The following CELSR3 variants were observed in gnomAD, a reference collection of about 807,000 sequenced individuals.
CELSR3 encodes the protein EGF-like protein 1.
In CELSR3, 73 loss-of-function variants were observed where a neutral mutation model predicts 270.0. The observed-to-expected ratio is 0.27, with a 90% CI of 0.22 to 0.33. The LOEUF (loss-of-function observed/expected upper bound fraction) is 0.33, where lower values mean the gene tolerates loss of function less well. CELSR3 is among the 10% of genes least tolerant of loss of function. The pLI is 1.00. For missense variants in CELSR3, 3,614 were observed against 4,533.8 expected, an observed-to-expected ratio of 0.80 and a Z score of 5.83; for synonymous variants, 1,780 against 1,905.4, an observed-to-expected ratio of 0.93 and a Z score of 1.71.
chr3:48,644,968 C>T lies in CELSR3; in HGVS notation c.7972+67G>A. On this transcript the variant is annotated intron_variant, in intron 25 of 34. Transcript: ENST00000164024. This position sits in a 1 kb window ranked among gnomAD's most constrained non-coding sequence, Gnocchi z 4.8. The stretch of plus-strand genomic sequence containing the variant: ...GGGGTTTGAGGTTGGGGGTCATGAG[C>T]AGGAGTGGGGACAGGGTCAGGGGTC... 1.3e-6 allele frequency: 2 copies of T among 1,546,152 alleles called. No homozygotes were observed. The highest frequency in any genetic ancestry group is 3.5e-5 in the Admixed American group (2 of 56,504).
rs1213727410 is a variant in CELSR3, at chr3:48,650,469, C to A, written c.6472+11G>T. On this transcript the variant is annotated intron_variant, in intron 16 of 34. Transcript: ENST00000164024. This position sits in a 1 kb window ranked among gnomAD's most constrained non-coding sequence, Gnocchi z 5.1. ...CACCCTCAGTGATGTCCTTTCCCCC[C>A]ACATACTCACCCAGGGCCCCCCGGG... 1.9e-6 allele frequency: 3 copies of A among 1,556,732 alleles called. No individual in the cohort carries two copies. Among genetic ancestry groups the A allele is most frequent in the South Asian group, 1.1e-5 (1 of 88,614 alleles).
chr3:48,642,579 G>A lies in CELSR3; in HGVS notation c.8556-112C>T, dbSNP rs2047037880. Reference sequence around the variant, plus strand: ...TGCGGGTGGAATGGCATCCCTGGGTGTGTGTGGTGGGAAGCATTTAGGGCA... The same window carrying A: ...TGCGGGTGGAATGGCATCCCTGGGTATGTGTGGTGGGAAGCATTTAGGGCA... On this transcript the variant is annotated intron_variant, in intron 30 of 34. Transcript: ENST00000164024. This position sits in a 1 kb window ranked among gnomAD's most constrained non-coding sequence, Gnocchi z 6.1. The A allele has an allele frequency of 7.0e-7, 1 of 1,423,500 alleles. No homozygotes were observed. Among genetic ancestry groups the A allele is most frequent in the Non-Finnish European group, 9.5e-7 (1 of 1,049,794 alleles). The allele number at this position is 1,423,500 out of a possible 1,614,324, so 88.2% of individuals were successfully genotyped here.
In CELSR3 at chr3:48,651,888, G is replaced by C; in HGVS notation, c.5912C>G (p.Thr1971Ser). Residue 1971 changes from threonine (T) to serine (S), a missense_variant, in exon 12 of 35, where the codon ACC becomes AGC. Physicochemically the swap from Thr to Ser is moderately conservative, Grantham distance 58 (BLOSUM62 1). Around this residue, in one of 7 missense-constraint regions of CELSR3, gnomAD observed 1,331 missense variants for 1,933.7 expected, o/e 0.69. Coordinates refer to ENST00000164024, the MANE Select transcript of CELSR3 (RefSeq NM_001407.3). The surrounding 1 kb of genome is among the most constrained non-coding windows in gnomAD (Gnocchi z 7.4). ...CRDLWQTFSC[T>S]CQPGYYGPGC... ...CTCTCAAGGCTCACCTGGCTGGCAGGTGCAAGAAAAGGTCTGCCAGAGGTC... is the reference window on the plus strand; with the variant it reads ...CTCTCAAGGCTCACCTGGCTGGCAGCTGCAAGAAAAGGTCTGCCAGAGGTC... 1 of 1,611,596 alleles carries C rather than the reference G, an allele frequency of 6.2e-7. No individual in the cohort carries two copies. The highest frequency in any genetic ancestry group is 8.5e-7 in the Non-Finnish European group (1 of 1,179,078).
Position 48,637,948 on chromosome 3 carries a change from AATAAC to A in CELSR3, c.*252_*256del. 2.2e-6 allele frequency: 1 copy of A among 457,006 alleles called. No homozygotes were observed. Among genetic ancestry groups the A allele is most frequent in the Non-Finnish European group, 4.0e-6 (1 of 252,150 alleles). The allele number at this position is 457,006 out of a possible 1,614,324, so 28.3% of individuals were successfully genotyped here. ...CCCCCAGGAGACAGAAAAGCTGAAAAATAACATAAGCATCTCTCTGGTTACAAAGG... is the reference window on the plus strand; with the variant it reads ...CCCCCAGGAGACAGAAAAGCTGAAAAATAAGCATCTCTCTGGTTACAAAGG... On this transcript the variant is annotated 3_prime_UTR_variant, in exon 35 of 35. Transcript: ENST00000164024.
rs1030929230 is a variant in CELSR3 at position 48,641,773 on chromosome 3, G to A, written c.8824+78C>T. ...AGAAAGACCAGGATGAACCCCAACC[G>A]CAGGAAAGATGGGGAGCTGGAGGGA... On this transcript the variant is annotated intron_variant, in intron 32 of 34. Transcript: ENST00000164024. The surrounding 1 kb of genome is among the most constrained non-coding windows in gnomAD (Gnocchi z 4.8). 16 of 1,346,002 alleles carry A rather than the reference G, an allele frequency of 1.2e-5. No individual in the cohort carries two copies. Among genetic ancestry groups the A allele is most frequent in the Admixed American group, 3.1e-5 (1 of 32,636 alleles). 83.4% of individuals were successfully genotyped at this position (1,346,002 alleles called of 1,614,324 possible).
Position 48,643,626 on chromosome 3 carries a change from G to C in CELSR3, c.8217C>G (p.Leu2739=). ...LLLLLVSASW[L]FGLLAVNHSI... is the part of the protein sequence containing the mutation. ...TGTGGTTGACTGCCAGGAGCCCAAA[G>C]AGCCAGGAGGCACTGACCAGCAGAA... Residue 2739 remains leucine (L), a synonymous_variant, in exon 28 of 35, where the codon CTC becomes CTG. Transcript: ENST00000164024. 6.4e-7 allele frequency: 1 copy of C among 1,551,554 alleles called. No individual in the cohort carries two copies. Among genetic ancestry groups the C allele is most frequent in the Non-Finnish European group, 8.7e-7 (1 of 1,147,152 alleles).
rs2077033094 is a variant in CELSR3, at chr3:48,657,487, G to C, written c.3749-139C>G. 2.2e-6 allele frequency: 2 copies of C among 889,850 alleles called. No homozygotes were observed. The highest frequency in any genetic ancestry group is 3.3e-6 in the Non-Finnish European group (2 of 602,944). 55.1% of individuals were successfully genotyped at this position (889,850 alleles called of 1,614,324 possible). A position where few individuals can be genotyped will look rare whatever the true frequency, so the allele number is the denominator to read the frequency against. On this transcript the variant is annotated intron_variant, in intron 1 of 34. Transcript: ENST00000164024. The surrounding 1 kb of genome is among the most constrained non-coding windows in gnomAD (Gnocchi z 5.4). The stretch of plus-strand genomic sequence containing the variant: ...AGGCTGACCCCACCAGGACACAAGG[G>C]AGTCTGGGGCTAGTGACCACCAGCT...
Position 48,651,757 on chromosome 3 carries a change from G to A in CELSR3, c.5924-39C>T. On this transcript the variant is annotated intron_variant, in intron 12 of 34. Coordinates refer to ENST00000164024, the MANE Select transcript of CELSR3 (RefSeq NM_001407.3). The surrounding 1 kb of genome is among the most constrained non-coding windows in gnomAD (Gnocchi z 7.4). ...CAGAAAGCTCAGGATCCTGGTCGCA[G>A]AGCATGGAAGGAAGCAGGCACCCGT... 1 of 1,533,218 alleles carries A rather than the reference G, an allele frequency of 6.5e-7. No individual in the cohort carries two copies. The highest frequency in any genetic ancestry group is 1.4e-5 in the African/African-American group (1 of 72,194). 95.0% of individuals were successfully genotyped at this position (1,533,218 alleles called of 1,614,324 possible). A position where few individuals can be genotyped will look rare whatever the true frequency, so the allele number is the denominator to read the frequency against.
At position 48,655,539 on chromosome 3, in the gene CELSR3, C is replaced by A. The variant is rs559749086; in HGVS notation, c.4742-145G>T. 5.3e-6 allele frequency: 5 copies of A among 936,736 alleles called. No homozygotes were observed. In the Admixed American group the frequency reaches 6.0e-5, roughly 11 times the overall value. The allele number at this position is 936,736 out of a possible 1,614,324, so 58.0% of individuals were successfully genotyped here. On this transcript the variant is annotated intron_variant, in intron 4 of 34. Transcript: ENST00000164024. This position sits in a 1 kb window ranked among gnomAD's most constrained non-coding sequence, Gnocchi z 5.8. ...TGACCACAATGGCTGGCTCAGAGTGCCTTTGAACAGACAGGAGAAACAGAC... is the reference window on the plus strand; with the variant it reads ...TGACCACAATGGCTGGCTCAGAGTGACTTTGAACAGACAGGAGAAACAGAC...
rs748431123 is a variant in CELSR3 at position 48,654,449 on chromosome 3, G to C, written c.4992C>G (p.Ser1664=). 2 of 1,582,578 alleles carry C rather than the reference G, an allele frequency of 1.3e-6. No individual in the cohort carries two copies. Among genetic ancestry groups the C allele is most frequent in the Non-Finnish European group, 8.6e-7 (1 of 1,161,254 alleles). The change falls in exon 7 of 35, where the codon TCC becomes TCG. Residue 1664 remains serine (S), a synonymous_variant. Transcript: ENST00000164024. The surrounding 1 kb of genome is among the most constrained non-coding windows in gnomAD (Gnocchi z 5.4). ...GAAGAAGAGGGCCCGTCAGGTCCAGGGACCTGGGGATCAGGGGTCTGGGTC... is the reference window on the plus strand; with the variant it reads ...GAAGAAGAGGGCCCGTCAGGTCCAGCGACCTGGGGATCAGGGGTCTGGGTC... ...AAGVQTSSKK[S]LDLTGPLLLG...
rs1223773354 is a variant in CELSR3, at chr3:48,640,893, C to A, written c.9026-334G>T. On this transcript the variant is annotated intron_variant, in intron 33 of 34. Coordinates refer to ENST00000164024, the MANE Select transcript of CELSR3 (RefSeq NM_001407.3). The surrounding 1 kb of genome is among the most constrained non-coding windows in gnomAD (Gnocchi z 7.5). Reference sequence around the variant, plus strand: ...TGCAGGCCTGGCTGAAATGCAGGAACCCCCCGGGTTGGACAGGAGCAGTCC... The same window carrying A: ...TGCAGGCCTGGCTGAAATGCAGGAAACCCCCGGGTTGGACAGGAGCAGTCC... The A allele has an allele frequency of 9.3e-6, 4 of 431,626 alleles. No homozygotes were observed. Among genetic ancestry groups the A allele is most frequent in the Non-Finnish European group, 1.2e-5 (3 of 241,806 alleles). 26.7% of individuals were successfully genotyped at this position (431,626 alleles called of 1,614,324 possible).
At chr3:48,647,789 T>C (rs2047099864) in intron 20 of CELSR3, 52 bp downstream of exon 20, 1 of 1,575,070 alleles carries the variant, frequency 6.3e-7, no homozygotes, top group Middle Eastern at 1.9e-4. Flanking sequence ...AGTATCTGGT[T>C]GGGGGGACAG....
chr3:48,648,238 G>GGCCCCCCCCCCC, intron 19 of CELSR3, 28 bp downstream of exon 19: 16 of 1,342,588 alleles, frequency 1.2e-5, no homozygotes, highest in Non-Finnish European at 1.6e-5. Flanking sequence ...CCCCTGCTGT[G>GGCCCCCCCCCCC]CCCCGCCCTA....
chr3:48,642,654 C>T lies in CELSR3; in HGVS notation c.8555+82G>A. ...GCCAAGATGGGTGGAGCCACCCGCC[C>T]TAGGACCTGGTCAGCCAAGCCCTGG... is the stretch of plus-strand genomic sequence containing the variant. On this transcript the variant is annotated intron_variant, in intron 30 of 34. Coordinates refer to ENST00000164024, the MANE Select transcript of CELSR3 (RefSeq NM_001407.3). The surrounding 1 kb of genome is among the most constrained non-coding windows in gnomAD (Gnocchi z 6.1). 2 of 1,543,656 alleles carry T rather than the reference C, an allele frequency of 1.3e-6. No homozygotes were observed. The highest frequency in any genetic ancestry group is 2.5e-5 in the South Asian group (2 of 81,440).
rs748978078 is a variant in CELSR3, at chr3:48,640,152, C to T, written c.9433G>A (p.Asp3145Asn). The T allele has an allele frequency of 6.8e-6, 11 of 1,612,442 alleles. No individual in the cohort carries two copies. Among genetic ancestry groups the T allele is most frequent in the East Asian group, 2.2e-5 (1 of 44,878 alleles). The part of the protein sequence containing the change: ...AGRFGSRDAL[D>N]LGAPREWLST... ...AACCACTCTCGAGGTGCCCCTAAGT[C>T]GAGCGCATCCCGTGACCCGAAGCGG... Residue 3145 changes from aspartate to asparagine, a missense_variant, in exon 34 of 35, where the codon GAC becomes AAC. By Grantham distance (23) the Asp-to-Asn change is conservative (BLOSUM62 1). Transcript: ENST00000164024. The surrounding 1 kb of genome is among the most constrained non-coding windows in gnomAD (Gnocchi z 7.5).
At position 48,639,560 on chromosome 3, in the gene CELSR3, G is replaced by A; in HGVS notation, c.9911+114C>T. On this transcript the variant is annotated intron_variant, in intron 34 of 34. Coordinates refer to ENST00000164024, the MANE Select transcript of CELSR3 (RefSeq NM_001407.3). This position sits in a 1 kb window ranked among gnomAD's most constrained non-coding sequence, Gnocchi z 4.1. ...CTCTGGCTGTGCTGAGCCTGGGGTA[G>A]CCCACACCTGTCTGCCAGCCCTCAT... is the stretch of plus-strand genomic sequence containing the variant. The A allele has an allele frequency of 1.4e-6, 2 of 1,414,720 alleles. No homozygotes were observed. Among genetic ancestry groups the A allele is most frequent in the South Asian group, 2.6e-5 (2 of 76,416 alleles). The allele number at this position is 1,414,720 out of a possible 1,614,324, so 87.6% of individuals were successfully genotyped here.
Position 48,645,194 on chromosome 3 carries a change from C to G in CELSR3, c.7813G>C (p.Val2605Leu). The change falls in exon 25 of 35, where the codon GTC (valine) becomes CTC (leucine). Residue 2605 changes from valine (V) to leucine (L), a missense_variant. Coordinates refer to ENST00000164024, the MANE Select transcript of CELSR3 (RefSeq NM_001407.3). This position sits in a 1 kb window ranked among gnomAD's most constrained non-coding sequence, Gnocchi z 5.4. The part of the protein sequence containing the change: ...RTHNQLVCTA[V>L]AILLHYFFLS... ...AAGAAGTAGTGCAGGAGGATGGCGA[C>G]TGCAGTGCACACCAGCTGAGGGCAG... is the stretch of plus-strand genomic sequence containing the variant. 1.3e-6 allele frequency: 2 copies of G among 1,578,022 alleles called. No homozygotes were observed. The highest frequency in any genetic ancestry group is 1.7e-6 in the Non-Finnish European group (2 of 1,155,304).
chr3:48,643,426 G>A (rs1423883862), intron 28 of CELSR3, 128 bp downstream of exon 28: 16 of 1,319,858 alleles, frequency 1.2e-5, no homozygotes, highest in Admixed American at 5.1e-5. Flanking sequence ...GTCTGGGGTA[G>A]TACCCAGCCT....
At chr3:48,656,523 G>C (rs1005077579) in intron 2 of CELSR3, among the ~76,000 whole-genome samples, 158 bp from the exon 3 acceptor site, 28 of 152,198 alleles carry the variant, frequency 1.8e-4, no homozygotes, top group African/African-American at 6.5e-4. Context: ...CCCCTCCCCA[G>C]TCTCATCGCT....
Sources: gnomAD v4.1 joint callset for allele counts (sites outside exome capture counted in the v4.1 genomes callset) on GRCh38, gnomAD v4.1.1 for gene constraint, gnomAD v4.1.1 regional missense constraint, Gnocchi (gnomAD v3.1) non-coding constraint, MANE v1.5 for transcripts, NCBI Gene and HGNC (gene_info 2026-07-23, HGNC 2026-07-21) for gene names.